Variants in HMX1 observed in about 807,000 individuals in gnomAD.
HMX1 encodes the protein homeobox protein HMX1.
In HMX1, 8 loss-of-function variants were observed where a neutral mutation model predicts 8.9. That is an observed-to-expected ratio of 0.90 (90% CI 0.53 to 1.63). The LOEUF (loss-of-function observed/expected upper bound fraction) is 1.63. Among genes scored for constraint, HMX1 ranks in the 40% most tolerant of loss-of-function variants. The pLI is 0.00. For missense variants in HMX1, 621 were observed against 558.5 expected (o/e 1.11, Z -1.13); for synonymous variants, 311 against 283.4 (o/e 1.10, Z -0.98).
chr4:8,871,680 C>A lies in HMX1; in HGVS notation c.-66G>T. 2 of 1,142,384 alleles carry A rather than the reference C, an allele frequency of 1.8e-6. No individual in the cohort carries two copies. The highest frequency in any genetic ancestry group is 4.4e-5 in the South Asian group (1 of 22,864). The allele number at this position is 1,142,384 out of a possible 1,614,324, so 70.8% of individuals were successfully genotyped here. A position where few individuals can be genotyped will look rare whatever the true frequency, so the allele number is the denominator to read the frequency against. ...CCCCGCTGGGGATGGTGGCGCGCGG[C>A]TCCCGGGCGCACGCGCGGGCCGGCC... On this transcript the variant is annotated 5_prime_UTR_variant, in exon 1 of 2. Transcript: ENST00000400677. The surrounding 1 kb of genome is among the most constrained non-coding windows in gnomAD (Gnocchi z 4.8).
chr4:8,852,231 G>A (rs996541572), intron 1 of HMX1, among the ~76,000 whole-genome samples: 1 of 152,240 alleles, frequency 6.6e-6, no homozygotes, highest in Non-Finnish European at 1.5e-5. Flanking sequence ...AATAACAGAT[G>A]GGCTCAGCCA....
At chr4:8,855,511 G>T (rs561828591) in intron 1 of HMX1, among the ~76,000 whole-genome samples, 2 of 152,290 alleles carry the variant, frequency 1.3e-5, no homozygotes, top group East Asian at 3.9e-4. Flanking sequence ...ACACTCTGGG[G>T]GTCGAGGTGA....
chr4:8,856,236 C>T (rs1487896785), intron 1 of HMX1, among the ~76,000 whole-genome samples: 2 of 152,118 alleles, frequency 1.3e-5, no homozygotes, highest in East Asian at 3.9e-4. Flanking sequence ...TGATAGATTC[C>T]TTTTAAAAAA....
intron 1 of HMX1, among the ~76,000 whole-genome samples, chr4:8,850,356 C>T (rs1721407264): frequency 6.6e-6 from 1 of 152,156 alleles, no homozygotes; most frequent in South Asian, 2.1e-4. Context: ...CGGTGGGGTT[C>T]CTGGAGGTGT....
At position 8,871,199 on chromosome 4, in the gene HMX1, C is replaced by G; in HGVS notation, c.394+22G>C. On this transcript the variant is annotated intron_variant, in intron 1 of 1. Coordinates refer to ENST00000400677, the MANE Select transcript of HMX1 (RefSeq NM_018942.3). The surrounding 1 kb of genome is among the most constrained non-coding windows in gnomAD (Gnocchi z 4.8). ...AAGTCGGGCCCCACCGCCTGACCCA[C>G]CCTCCCCGCGCCCTCACTCACTGTC... The G allele has an allele frequency of 7.1e-7, 1 of 1,404,540 alleles. No individual in the cohort carries two copies. The highest frequency in any genetic ancestry group is 9.2e-7 in the Non-Finnish European group (1 of 1,086,100). The allele number at this position is 1,404,540 out of a possible 1,614,324, so 87.0% of individuals were successfully genotyped here.
intron 1 of HMX1, among the ~76,000 whole-genome samples, chr4:8,861,760 C>T (rs1189754567): frequency 2.0e-5 from 3 of 152,366 alleles, no homozygotes; most frequent in South Asian, 4.1e-4. Flanking sequence ...TCTGGACCCT[C>T]AGAGCCCCGG....
downstream of HMX1, among the ~76,000 whole-genome samples, chr4:8,864,460 G>A (rs952051391): frequency 1.3e-5 from 2 of 152,214 alleles, no homozygotes; most frequent in African/African-American, 4.8e-5. Flanking sequence ...CATGGCGCAT[G>A]TGGTGGAGGC....
Position 8,868,152 on chromosome 4 carries a change from A to C in HMX1, c.588T>G (p.Val196=). The change falls in exon 2 of 2, where the codon GTT becomes GTG. Residue 196 remains valine, a synonymous_variant. Coordinates refer to ENST00000400677, the MANE Select transcript of HMX1 (RefSeq NM_018942.3). This position sits in a 1 kb window ranked among gnomAD's most constrained non-coding sequence, Gnocchi z 4.6. The part of the protein sequence containing the change: ...PAAAGETRGG[V]GVGGGRKKKT... ...TCTTCTTTCGGCCGCCGCCCACGCCAACGCCGCCGCGTGTCTCCCCAGCCG... is the reference window on the plus strand; with the variant it reads ...TCTTCTTTCGGCCGCCGCCCACGCCCACGCCGCCGCGTGTCTCCCCAGCCG... 3 of 1,505,564 alleles carry C rather than the reference A, an allele frequency of 2.0e-6. No individual in the cohort carries two copies. The highest frequency in any genetic ancestry group is 2.6e-6 in the Non-Finnish European group (3 of 1,132,614). The allele number at this position is 1,505,564 out of a possible 1,614,324, so 93.3% of individuals were successfully genotyped here. A position where few individuals can be genotyped will look rare whatever the true frequency, so the allele number is the denominator to read the frequency against.
intron 1 of HMX1, among the ~76,000 whole-genome samples, chr4:8,851,940 C>T (rs1320161982): frequency 6.6e-6 from 1 of 152,244 alleles, no homozygotes; most frequent in Non-Finnish European, 1.5e-5. Flanking sequence ...ATGGGAGGGC[C>T]TCGAACCTGC....
chr4:8,856,414 G>T (rs1721610466), intron 1 of HMX1, among the ~76,000 whole-genome samples: 1 of 152,176 alleles, frequency 6.6e-6, no homozygotes. Flanking sequence ...TGTAGAAGTG[G>T]AGGACATTTT....
At chr4:8,857,515 C>A (rs2109459718) in intron 1 of HMX1, among the ~76,000 whole-genome samples, 1 of 152,294 alleles carries the variant, frequency 6.6e-6, no homozygotes, top group East Asian at 1.9e-4. Flanking sequence ...CGGGTTCCGG[C>A]CCAGCTTCTC....
In HMX1 at chr4:8,868,381, G is replaced by A; in HGVS notation, c.395-36C>T. On this transcript the variant is annotated intron_variant, in intron 1 of 1. Coordinates refer to ENST00000400677, the MANE Select transcript of HMX1 (RefSeq NM_018942.3). The surrounding 1 kb of genome is among the most constrained non-coding windows in gnomAD (Gnocchi z 4.6). ...GAGAGGGCACCACCGTTGGTTCTAG[G>A]GCACTGATTACCAGACTCAATCACT... is the stretch of plus-strand genomic sequence containing the variant. 2.2e-6 allele frequency: 3 copies of A among 1,334,050 alleles called. No homozygotes were observed. The highest frequency in any genetic ancestry group is 2.9e-6 in the Non-Finnish European group (3 of 1,044,206). 82.6% of individuals were successfully genotyped at this position (1,334,050 alleles called of 1,614,324 possible).
At position 8,868,320 on chromosome 4, in the gene HMX1, C is replaced by A; in HGVS notation, c.420G>T (p.Thr140=). ...PDTSDRDSPE[T]GEEMGRAEGA... ...CCTCCGCACGGCCCATCTCCTCGCC[C>A]GTCTCCGGTGAGTCCCGGTCGCTGG... Residue 140 remains threonine (T), a synonymous_variant, in exon 2 of 2, where the codon ACG becomes ACT. Transcript: ENST00000400677. This position sits in a 1 kb window ranked among gnomAD's most constrained non-coding sequence, Gnocchi z 4.6. 1 of 1,425,754 alleles carries A rather than the reference C, an allele frequency of 7.0e-7. No individual in the cohort carries two copies. Among genetic ancestry groups the A allele is most frequent in the Non-Finnish European group, 9.1e-7 (1 of 1,096,730 alleles). The allele number at this position is 1,425,754 out of a possible 1,614,324, so 88.3% of individuals were successfully genotyped here.
rs1577190428 is a variant in HMX1, at chr4:8,848,381, T to C, written c.395-2057A>G. Among the ~76,000 whole-genome samples the C allele has an allele frequency of 1.3e-5, 2 of 152,372 alleles. No individual in the cohort carries two copies. Among genetic ancestry groups the C allele is most frequent in the South Asian group, 4.1e-4 (2 of 4,826 alleles). Reference sequence around the variant, plus strand: ...ATGTGGTTCACAGTCATAGCTTCTATTGGACAATGCCACCTTGAAGCCTAT... The same window carrying C: ...ATGTGGTTCACAGTCATAGCTTCTACTGGACAATGCCACCTTGAAGCCTAT... On this transcript the variant is annotated intron_variant, in intron 1 of 1. Transcript: ENST00000506970. The surrounding 1 kb of genome is among the most constrained non-coding windows in gnomAD (Gnocchi z 4.1).
chr4:8,856,392 G>C (rs28549094), intron 1 of HMX1, among the ~76,000 whole-genome samples: 32,948 of 152,066 alleles, frequency 0.22, 3,900 homozygotes, highest in African/African-American at 0.3. Context: ...TCTGGTAGTG[G>C]TTTATGCTCT....
rs1367535116 is a variant in HMX1 at position 8,853,402 on chromosome 4, C to G, written c.395-7078G>C. Among the ~76,000 whole-genome samples, 1 of 152,190 alleles carries G rather than the reference C, an allele frequency of 6.6e-6. No homozygotes were observed. The highest frequency in any genetic ancestry group is 1.9e-4 in the East Asian group (1 of 5,186). ...AGGGTCACCCAACTTCCTGATAAGT[C>G]AAAGATCTATCCAGATGTTGCCCGC... On this transcript the variant is annotated intron_variant, in intron 1 of 1. Transcript: ENST00000506970. The surrounding 1 kb of genome is among the most constrained non-coding windows in gnomAD (Gnocchi z 4.7).
At position 8,867,979 on chromosome 4, in the gene HMX1, C is replaced by CA; in HGVS notation, c.760_761insT (p.Arg254LeufsTer126). 6.5e-7 allele frequency: 1 copy of CA among 1,530,484 alleles called. No homozygotes were observed. The allele number at this position is 1,530,484 out of a possible 1,614,324, so 94.8% of individuals were successfully genotyped here. ...CAGCTGCCGCTTCCACTTGTTGCGGCGGTTCTGGAACCAGATCTTAACCTG... is the reference window on the plus strand; with the variant it reads ...CAGCTGCCGCTTCCACTTGTTGCGGCAGGTTCTGGAACCAGATCTTAACCTG... On this transcript the variant is annotated frameshift_variant, in exon 2 of 2. Transcript: ENST00000400677. LOFTEE classifies it low-confidence loss of function (END_TRUNC).
At chr4:8,859,262 T>C (rs770952493) in intron 1 of HMX1, among the ~76,000 whole-genome samples, 55 of 151,346 alleles carry the variant, frequency 3.6e-4, no homozygotes, top group Admixed American at 9.2e-4. Context: ...GGGATTCTTG[T>C]CTATATAAAC....
rs1020274575 is a variant in HMX1, at chr4:8,847,462, C to T, written c.395-1138G>A. ...AAGAGCTATTTCTGTAACGGGATGC[C>T]GCCAACAGACGGAAGCCACTGAGCC... On this transcript the variant is annotated intron_variant, in intron 1 of 1. Coordinates refer to the HMX1 transcript ENST00000506970. The surrounding 1 kb of genome is among the most constrained non-coding windows in gnomAD (Gnocchi z 6.0). Among the ~76,000 whole-genome samples the T allele has an allele frequency of 2.0e-5, 3 of 152,030 alleles. No individual in the cohort carries two copies. Among genetic ancestry groups the T allele is most frequent in the South Asian group, 2.1e-4 (1 of 4,800 alleles).
Sources: gnomAD v4.1 joint callset for allele counts (sites outside exome capture counted in the v4.1 genomes callset) on GRCh38, gnomAD v4.1.1 for gene constraint, Gnocchi (gnomAD v3.1) non-coding constraint, MANE v1.5 for transcripts, NCBI Gene and HGNC (gene_info 2026-07-23, HGNC 2026-07-21) for gene names.